Variants in SMIM10L3 observed in about 807,000 individuals in gnomAD.
SMIM10L3 encodes the protein small integral membrane protein 10 like 3.
At chr7:6,344,791 A>G in the SMIM10L3 span, among the ~76,000 whole-genome samples, 2 of 149,256 alleles carry the variant, frequency 1.3e-5, no homozygotes, top group African/African-American at 5.0e-5. Context: ...CCCAGGCTGG[A>G]GTGCAATGGC....
the SMIM10L3 span, among the ~76,000 whole-genome samples, chr7:6,348,319 C>G: frequency 6.6e-6 from 1 of 152,032 alleles, no homozygotes; most frequent in Non-Finnish European, 1.5e-5. Flanking sequence ...CCCATGCAGT[C>G]TCGGACCCCA....
the SMIM10L3 span, among the ~76,000 whole-genome samples, chr7:6,343,320 T>C: frequency 6.8e-6 from 1 of 147,700 alleles, no homozygotes; most frequent in Non-Finnish European, 1.5e-5. Flanking sequence ...GAGGTTGCAG[T>C]GATCCAAAAT....
At chr7:6,348,663 C>T in the SMIM10L3 span, 1 of 510,552 alleles carries the variant, frequency 2.0e-6, no homozygotes. Context: ...AGAAGATGAG[C>T]AGCGTGCGAG....
At chr7:6,343,006 C>T in the SMIM10L3 span, among the ~76,000 whole-genome samples, 1 of 149,980 alleles carries the variant, frequency 6.7e-6, no homozygotes, top group Non-Finnish European at 1.5e-5. Context: ...CACTGCACTC[C>T]AGCCTGGATG....
the SMIM10L3 span, among the ~76,000 whole-genome samples, chr7:6,332,230 T>C: frequency 6.6e-6 from 1 of 152,072 alleles, no homozygotes; most frequent in African/African-American, 2.4e-5. Flanking sequence ...AGCACCTTCA[T>C]TGTCTCTGAG....
chr7:6,345,903 G>C, the SMIM10L3 span, among the ~76,000 whole-genome samples: 1 of 151,884 alleles, frequency 6.6e-6, no homozygotes, highest in Admixed American at 6.6e-5. Context: ...CATGTAGCTG[G>C]GATTACAGGC....
At chr7:6,348,229 A>AT in the SMIM10L3 span, among the ~76,000 whole-genome samples, 1 of 99,832 alleles carries the variant, frequency 1.0e-5, no homozygotes, top group Non-Finnish European at 2.1e-5. Flanking sequence ...ACAATTAAAA[A>AT]TAAGGGGGGG....
At chr7:6,330,487 T>A in the SMIM10L3 span, 10 of 1,614,214 alleles carry the variant, frequency 6.2e-6, no homozygotes, top group Non-Finnish European at 8.5e-6. Flanking sequence ...TTCTATTGTT[T>A]GCTTTGAAAA....
chr7:6,333,908 GCC>G, the SMIM10L3 span, among the ~76,000 whole-genome samples: 1 of 141,482 alleles, frequency 7.1e-6, no homozygotes, highest in African/African-American at 2.7e-5. Context: ...GTGCAGTGGC[GCC>G]ATCTCAGCTC....
chr7:6,332,243 G>A, the SMIM10L3 span, among the ~76,000 whole-genome samples: 1 of 152,036 alleles, frequency 6.6e-6, no homozygotes, highest in Non-Finnish European at 1.5e-5. Flanking sequence ...TCTCTGAGCT[G>A]CTTTACAACT....
At chr7:6,338,958 A>AC in the SMIM10L3 span, among the ~76,000 whole-genome samples, 3 of 151,972 alleles carry the variant, frequency 2.0e-5, no homozygotes, top group Admixed American at 2.0e-4. Flanking sequence ...CCAGCTCCAC[A>AC]CCCCTCAGGT....
At chr7:6,333,443 A>G in the SMIM10L3 span, among the ~76,000 whole-genome samples, 47 of 152,284 alleles carry the variant, frequency 3.1e-4, no homozygotes, top group Non-Finnish European at 3.5e-4. Context: ...ACAGAGCAGG[A>G]AAAAGAAAGA....
chr7:6,336,647 G>T, the SMIM10L3 span, among the ~76,000 whole-genome samples: 1 of 150,198 alleles, frequency 6.7e-6, no homozygotes, highest in Non-Finnish European at 1.5e-5. Flanking sequence ...TGGCACCACT[G>T]TACTCCAGCC....
chr7:6,335,756 C>T, the SMIM10L3 span, among the ~76,000 whole-genome samples: 4 of 152,198 alleles, frequency 2.6e-5, no homozygotes, highest in East Asian at 5.8e-4. Flanking sequence ...TGAACCAGGC[C>T]AGGTGCAGTG....
At chr7:6,333,801 C>T in the SMIM10L3 span, among the ~76,000 whole-genome samples, 2 of 144,226 alleles carry the variant, frequency 1.4e-5, no homozygotes, top group African/African-American at 5.2e-5. Flanking sequence ...GAGACAGGGT[C>T]TCCCCATGTT....
At chr7:6,341,396 C>T in the SMIM10L3 span, among the ~76,000 whole-genome samples, 1 of 150,456 alleles carries the variant, frequency 6.6e-6, no homozygotes, top group African/African-American at 2.5e-5. Context: ...GAGCGGAGAT[C>T]GCGCCACTGT....
chr7:6,339,415 C>A, the SMIM10L3 span, among the ~76,000 whole-genome samples: 2 of 152,066 alleles, frequency 1.3e-5, no homozygotes, highest in South Asian at 4.1e-4. Context: ...CCAGTCTAGG[C>A]AACATAGCAA....
chr7:6,332,052 C>T, the SMIM10L3 span, among the ~76,000 whole-genome samples: 1 of 150,250 alleles, frequency 6.7e-6, no homozygotes, highest in Non-Finnish European at 1.5e-5. Context: ...GTGGAAGTAG[C>T]TGTGAGCCGA....
At chr7:6,336,627 T>C in the SMIM10L3 span, among the ~76,000 whole-genome samples, 2 of 149,948 alleles carry the variant, frequency 1.3e-5, no homozygotes, top group Non-Finnish European at 2.9e-5. Flanking sequence ...GAGGCTGCCG[T>C]GAGCCAAGAT....
Sources: gnomAD v4.1 joint callset for allele counts (sites outside exome capture counted in the v4.1 genomes callset) on GRCh38, gnomAD v4.1.1 for gene constraint, MANE v1.5 for transcripts, NCBI Gene and HGNC (gene_info 2026-07-23, HGNC 2026-07-21) for gene names.